ITGB5: variants seen among roughly 807,000 people sequenced by gnomAD.
ITGB5 encodes the protein integrin beta-5.
In ITGB5, 38 loss-of-function variants were observed where a neutral mutation model predicts 84.8. The ratio of observed to expected loss-of-function variants is 0.45; its 90% CI spans 0.35 to 0.59. The LOEUF is 0.59. ITGB5 is among the 20% of genes least tolerant of loss of function. The probability of loss-of-function intolerance (pLI) is 0.01; values close to 1 mark genes in which losing one functional copy is unlikely to be tolerated. For missense variants in ITGB5, 905 were observed against 1,034.5 expected (o/e 0.87, Z 1.72); for synonymous variants, 393 against 414.4 (o/e 0.95, Z 0.63).
intron 10 of ITGB5, among the ~76,000 whole-genome samples, chr3:124,779,708 A>C (rs2063975158): frequency 6.6e-6 from 1 of 152,140 alleles, no homozygotes; most frequent in South Asian, 2.1e-4. Flanking sequence ...GGGCCAGTAA[A>C]AATGCCTTGC....
upstream of ITGB5, among the ~76,000 whole-genome samples, chr3:124,889,222 C>A (rs530664137): frequency 6.6e-6 from 1 of 152,276 alleles, no homozygotes; most frequent in African/African-American, 2.4e-5. Flanking sequence ...CCTGATTGCT[C>A]CCTCTGGCCT....
chr3:124,830,829 C>A (rs1014228764), intron 5 of ITGB5, among the ~76,000 whole-genome samples: 3 of 152,094 alleles, frequency 2.0e-5, no homozygotes, highest in African/African-American at 4.8e-5. Flanking sequence ...ACTAAAAACA[C>A]AAAAGTTAGC....
At chr3:124,853,000 T>A (rs927296382) in intron 3 of ITGB5, among the ~76,000 whole-genome samples, 39 of 152,346 alleles carry the variant, frequency 2.6e-4, no homozygotes, top group African/African-American at 8.2e-4. Context: ...AAACTTTTTT[T>A]AATTTTTATT....
At chr3:124,808,935 C>T (rs1275762049) in intron 9 of ITGB5, 87 bp downstream of exon 9, 1 of 1,421,428 alleles carries the variant, frequency 7.0e-7, no homozygotes, top group East Asian at 2.3e-5. Flanking sequence ...TCCGAAAGGA[C>T]TCTTAATAAG....
chr3:124,871,675 C>T (rs1043503437), intron 2 of ITGB5, among the ~76,000 whole-genome samples: 1 of 151,602 alleles, frequency 6.6e-6, no homozygotes, highest in East Asian at 1.9e-4. Flanking sequence ...GATATTTTTT[C>T]AATTAGCCGA....
intron 5 of ITGB5, among the ~76,000 whole-genome samples, chr3:124,828,079 C>T (rs2107573394): frequency 6.6e-6 from 1 of 152,096 alleles, no homozygotes; most frequent in East Asian, 1.9e-4. Context: ...TCGCGCAAAG[C>T]CTGTTTGGTG....
intron 1 of ITGB5, among the ~76,000 whole-genome samples, chr3:124,898,056 T>C (rs1022728542): frequency 6.6e-6 from 1 of 152,094 alleles, no homozygotes; most frequent in Admixed American, 6.6e-5. Context: ...AGAGCAGTAA[T>C]GACCTTGAAA....
chr3:124,871,526 T>A (rs1934051511), intron 2 of ITGB5, among the ~76,000 whole-genome samples: 2 of 152,042 alleles, frequency 1.3e-5, no homozygotes, highest in African/African-American at 4.8e-5. Flanking sequence ...AAACAAGGTA[T>A]CAGTCAAGGA....
At chr3:124,778,067 G>A (rs2063950541) in intron 10 of ITGB5, among the ~76,000 whole-genome samples, 1 of 152,198 alleles carries the variant, frequency 6.6e-6, no homozygotes, top group South Asian at 2.1e-4. Context: ...ACCTAAGTCA[G>A]GACTCTTCAT....
chr3:124,899,852 TCAAAAAAAA>T (rs1935182963), intron 1 of ITGB5, among the ~76,000 whole-genome samples: 1 of 4,252 alleles, frequency 2.4e-4, no homozygotes, highest in African/African-American at 4.7e-4. Context: ...AGACCCTGTC[TCAAAAAAAA>T]AAAAAAAAAA....
intron 2 of ITGB5, among the ~76,000 whole-genome samples, chr3:124,860,645 G>A (rs1037583228): frequency 3.9e-5 from 6 of 152,192 alleles, no homozygotes; most frequent in Non-Finnish European, 7.3e-5. Flanking sequence ...TGGTGAATGT[G>A]AAAAACAAGA....
intron 1 of ITGB5, among the ~76,000 whole-genome samples, chr3:124,900,707 A>G (rs565451191): frequency 6.6e-6 from 1 of 152,090 alleles, no homozygotes; most frequent in Non-Finnish European, 1.5e-5. Flanking sequence ...TTCTCGGAGA[A>G]CCCTCAGGGA....
At chr3:124,865,909 C>G (rs148336322) in intron 2 of ITGB5, among the ~76,000 whole-genome samples, 1 of 152,322 alleles carries the variant, frequency 6.6e-6, no homozygotes, top group Non-Finnish European at 1.5e-5. Context: ...AGCCACCATG[C>G]TCACTCACCC....
At chr3:124,766,453 G>A in intron 12 of ITGB5, 108 bp from the exon 13 acceptor site, 4 of 1,348,532 alleles carry the variant, frequency 3.0e-6, no homozygotes, top group South Asian at 2.8e-5. Context: ...GGCATGGGGG[G>A]TGTGGGCAGA....
upstream of ITGB5, chr3:124,887,742 G>A: frequency 2.2e-6 from 1 of 449,328 alleles, no homozygotes; most frequent in South Asian, 1.6e-5. Context: ...ACTGCGAGAG[G>A]GAGAGCAGGT....
intron 3 of ITGB5, among the ~76,000 whole-genome samples, chr3:124,852,579 C>G (rs1300361330): frequency 6.6e-6 from 1 of 152,098 alleles, no homozygotes; most frequent in Admixed American, 6.6e-5. Flanking sequence ...ATTTTTAAAG[C>G]TTTCTTCTCT....
intron 10 of ITGB5, among the ~76,000 whole-genome samples, chr3:124,795,597 C>A (rs11718590): frequency 6.6e-6 from 1 of 152,054 alleles, no homozygotes; most frequent in Non-Finnish European, 1.5e-5. Context: ...GTGAAAGGGA[C>A]TGTGCAGATG....
chr3:124,881,818 A>C (rs887899182), intron 1 of ITGB5, among the ~76,000 whole-genome samples: 17 of 152,176 alleles, frequency 1.1e-4, no homozygotes, highest in Admixed American at 3.3e-4. Flanking sequence ...AAATTAAAAA[A>C]TAAGCCAGGT....
intron 11 of ITGB5, among the ~76,000 whole-genome samples, chr3:124,770,378 G>A (rs1156762247): frequency 1.3e-5 from 2 of 152,122 alleles, no homozygotes; most frequent in African/African-American, 4.8e-5. Context: ...GCTACACGAG[G>A]GACAGCCGCT....
Sources: allele counts gnomAD v4.1 joint callset (sites outside exome capture counted in the v4.1 genomes callset), GRCh38; gene constraint gnomAD v4.1.1; transcripts MANE v1.5; gene names NCBI Gene and HGNC (gene_info 2026-07-23, HGNC 2026-07-21).